Variants in ZBTB8B observed in about 807,000 individuals in gnomAD.
ZBTB8B encodes zinc finger and BTB domain containing 8B, also known as zinc finger and BTB domain-containing protein 8B.
Under a neutral mutation model 30.3 loss-of-function variants are expected in ZBTB8B, and 17 were observed. The ratio of observed to expected loss-of-function variants is 0.56; its 90% CI spans 0.38 to 0.84. The LOEUF is 0.84. ZBTB8B is among the 40% of genes least tolerant of loss of function. The pLI, the probability that ZBTB8B is intolerant of heterozygous loss-of-function variation, is 0.00. For synonymous variants in ZBTB8B, 248 were observed against 255.6 expected, an observed-to-expected ratio of 0.97 and a Z score of 0.28; for missense variants, 515 against 644.9, an observed-to-expected ratio of 0.80 and a Z score of 2.18.
intron 1 of ZBTB8B, 68 bp from the exon 2 acceptor site, chr1:32,470,516 A>T: frequency 1.8e-6 from 2 of 1,122,018 alleles, no homozygotes; most frequent in Non-Finnish European, 2.4e-6. Flanking sequence ...AAAAAAAAAA[A>T]AAAAAAAAAA....
In ZBTB8B at chr1:32,489,894, G is replaced by A. The variant is rs1643768314; in HGVS notation, c.*4476G>A. ...ATGCCGTTCTGATGTAAATATTTTG[G>A]TGGCCACCAGACTTTGAATATTCCT... On this transcript the variant is annotated 3_prime_UTR_variant, in exon 4 of 4. Coordinates refer to ENST00000609129, the MANE Select transcript of ZBTB8B (RefSeq NM_001145720.2). 1 of 152,284 alleles carries A rather than the reference G, an allele frequency of 6.6e-6. No homozygotes were observed. Among genetic ancestry groups the A allele is most frequent in the Admixed American group, 6.5e-5 (1 of 15,288 alleles). 9.4% of individuals were successfully genotyped at this position (152,284 alleles called of 1,614,324 possible).
rs917865954 is a variant in ZBTB8B at position 32,494,183 on chromosome 1, C to CAAAAAAAAAAAA, written c.*8778_*8789dup. On this transcript the variant is annotated 3_prime_UTR_variant, in exon 4 of 4. Transcript: ENST00000609129. ...GGGCAACGAGAGCAAAACTCCATCTCAAAAAAAAAAAAAAAAAAAAAAAAG... is the reference window on the plus strand; with the variant it reads ...GGGCAACGAGAGCAAAACTCCATCTCAAAAAAAAAAAAAAAAAAAAAAAAAAAAAAAAAAAAG... 4.2e-5 allele frequency: 2 copies of CAAAAAAAAAAAA among 48,006 alleles called. No individual in the cohort carries two copies. The highest frequency in any genetic ancestry group is 2.4e-4 in the Admixed American group (1 of 4,244). The allele number at this position is 48,006 out of a possible 1,614,324, so 3.0% of individuals were successfully genotyped here.
In ZBTB8B at chr1:32,471,056, G is replaced by A. The variant is rs1420132687; in HGVS notation, c.432G>A (p.Ala144=). 1.3e-6 allele frequency: 2 copies of A among 1,544,536 alleles called. No individual in the cohort carries two copies. The change falls in exon 2 of 4, where the codon GCG becomes GCA. Residue 144 remains alanine, a synonymous_variant. Transcript: ENST00000609129. ...VAAAVAAAAA[A]AAAAAAAAAH... is the part of the protein sequence containing the mutation. ...CAGCAGTGGCGGCGGCAGCGGCGGCGGCTGCAGCGGCGGCAGCAGCGGCGG... is the reference window on the plus strand; with the variant it reads ...CAGCAGTGGCGGCGGCAGCGGCGGCAGCTGCAGCGGCGGCAGCAGCGGCGG...
At chr1:32,482,446 G>C (rs983268506) in intron 3 of ZBTB8B, among the ~76,000 whole-genome samples, 1 of 151,754 alleles carries the variant, frequency 6.6e-6, no homozygotes, top group East Asian at 1.9e-4. Flanking sequence ...GCTGAGGTGG[G>C]CAGATCACAA....
At chr1:32,476,788 CAAA>C (rs77792479) in intron 2 of ZBTB8B, among the ~76,000 whole-genome samples, 2 of 84,774 alleles carry the variant, frequency 2.4e-5, no homozygotes, top group African/African-American at 4.4e-5. Flanking sequence ...GACTCTGTCT[CAAA>C]AAAAAAAAAA....
rs1462967961 is a variant in ZBTB8B, at chr1:32,486,449, A to G, written c.*1031A>G. ...GCCGCTCCTCGTGGAGCAGGGCTAC[A>G]CCATAGGCAGTGTGCCCAGAGTAGT... is the stretch of plus-strand genomic sequence containing the variant. On this transcript the variant is annotated 3_prime_UTR_variant, in exon 4 of 4. Coordinates refer to ENST00000609129, the MANE Select transcript of ZBTB8B (RefSeq NM_001145720.2). The G allele has an allele frequency of 6.6e-6, 1 of 152,256 alleles. No homozygotes were observed. Among genetic ancestry groups the G allele is most frequent in the Non-Finnish European group, 1.5e-5 (1 of 68,068 alleles). 9.4% of individuals were successfully genotyped at this position (152,256 alleles called of 1,614,324 possible).
chr1:32,471,636 T>A (rs1167661452), intron 2 of ZBTB8B, 21 bp downstream of exon 2: 1 of 1,537,824 alleles, frequency 6.5e-7, no homozygotes. Flanking sequence ...TTAGCATTCA[T>A]CAGCCCTGCC....
chr1:32,472,394 C>G (rs1643631117), intron 2 of ZBTB8B, among the ~76,000 whole-genome samples: 1 of 152,126 alleles, frequency 6.6e-6, no homozygotes. Flanking sequence ...GTTGTGGGGA[C>G]CAAATGAGAG....
chr1:32,476,544 ACT>A (rs1264043220), intron 2 of ZBTB8B, among the ~76,000 whole-genome samples: 1 of 150,546 alleles, frequency 6.6e-6, no homozygotes, highest in African/African-American at 2.5e-5. Flanking sequence ...TTTAATATTG[ACT>A]CTCTTAAGTC....
Position 32,487,645 on chromosome 1 carries a change from C to G in ZBTB8B, c.*2227C>G, listed in dbSNP as rs553928390. 2 of 151,908 alleles carry G rather than the reference C, an allele frequency of 1.3e-5. No individual in the cohort carries two copies. The highest frequency in any genetic ancestry group is 2.9e-5 in the Non-Finnish European group (2 of 68,038). The allele number at this position is 151,908 out of a possible 1,614,324, so 9.4% of individuals were successfully genotyped here. On this transcript the variant is annotated 3_prime_UTR_variant, in exon 4 of 4. Transcript: ENST00000609129. ...ACACTTGAGGTCAGGAGTTCGATAC[C>G]AGCCTGACCAACATGGCGAAACCCC...
chr1:32,470,517 A>AAT (rs1557680628), intron 1 of ZBTB8B, 67 bp from the exon 2 acceptor site: 1 of 1,132,886 alleles, frequency 8.8e-7, no homozygotes, highest in African/African-American at 1.6e-5. Context: ...AAAAAAAAAA[A>AAT]AAAAAAAAAG....
In ZBTB8B at chr1:32,471,148, T is replaced by A; in HGVS notation, c.524T>A (p.Leu175Ter). The A allele has an allele frequency of 6.4e-7, 1 of 1,551,764 alleles. No homozygotes were observed. The highest frequency in any genetic ancestry group is 8.7e-7 in the Non-Finnish European group (1 of 1,147,010). ...GGGACCTCCTGTGGTACCAAGAGCT[T>A]GGTCTCCTCTCCAGCCGAGGGAGAA... ...REGTSCGTKS[L>*]VSSPAEGEKS... is the part of the protein sequence containing the mutation. Residue 175 changes from leucine to a stop codon, truncating the protein, a stop_gained, in exon 2 of 4, where the codon TTG (leucine) becomes TAG (stop). Transcript: ENST00000609129. LOFTEE classifies it high-confidence loss of function.
chr1:32,482,885 T>C (rs577391537), intron 3 of ZBTB8B, among the ~76,000 whole-genome samples: 1 of 152,024 alleles, frequency 6.6e-6, no homozygotes, highest in South Asian at 2.1e-4. Flanking sequence ...CATGAAAAGA[T>C]GCTCAACATC....
rs1383973312 is a variant in ZBTB8B at position 32,485,341 on chromosome 1, A to G, written c.1411A>G (p.Asn471Asp). The change falls in exon 4 of 4, where the codon AAT becomes GAT. Residue 471 changes from asparagine (N) to aspartate (D), a missense_variant. Transcript: ENST00000609129. ...WPIYVESGEE[N>D]DPAGDDSDDK... ...AATCTATGTGGAGTCGGGTGAGGAA[A>G]ATGACCCTGCTGGAGATGATTCTGA... 6.4e-7 allele frequency: 1 copy of G among 1,552,258 alleles called. No homozygotes were observed. The highest frequency in any genetic ancestry group is 2.0e-5 in the Admixed American group (1 of 50,984).
intron 2 of ZBTB8B, among the ~76,000 whole-genome samples, chr1:32,480,223 G>A (rs1257389418): frequency 6.6e-6 from 1 of 151,426 alleles, no homozygotes; most frequent in South Asian, 2.1e-4. Context: ...TTTGCAGATG[G>A]CAGCCTTCCC....
Position 32,494,736 on chromosome 1 carries a change from T to C in ZBTB8B, c.*9318T>C, listed in dbSNP as rs185554698. ...ATGTATTCATTTTACTTATAAAAAATTTCAAAAGTAAAAATATATATATTA... is the reference window on the plus strand; with the variant it reads ...ATGTATTCATTTTACTTATAAAAAACTTCAAAAGTAAAAATATATATATTA... On this transcript the variant is annotated 3_prime_UTR_variant, in exon 4 of 4. Coordinates refer to ENST00000609129, the MANE Select transcript of ZBTB8B (RefSeq NM_001145720.2). The C allele has an allele frequency of 6.3e-4, 96 of 152,240 alleles. No individual in the cohort carries two copies. The highest frequency in any genetic ancestry group is 2.2e-3 in the African/African-American group (90 of 41,548). 9.4% of individuals were successfully genotyped at this position (152,240 alleles called of 1,614,324 possible).
At chr1:32,466,576 A>G (rs572078789) in intron 1 of ZBTB8B, among the ~76,000 whole-genome samples, 2 of 152,198 alleles carry the variant, frequency 1.3e-5, no homozygotes, top group Non-Finnish European at 2.9e-5. Flanking sequence ...AAATATTTAC[A>G]CAATATATAC....
rs917827602 is a variant in ZBTB8B at position 32,491,191 on chromosome 1, A to G, written c.*5773A>G. On this transcript the variant is annotated 3_prime_UTR_variant, in exon 4 of 4. Coordinates refer to ENST00000609129, the MANE Select transcript of ZBTB8B (RefSeq NM_001145720.2). ...GATTTTGAAGGAAGGCATCAATTTC[A>G]TATACAGGTCTTGGTGACATGTAAT... The G allele has an allele frequency of 6.6e-6, 1 of 152,232 alleles. No homozygotes were observed. 9.4% of individuals were successfully genotyped at this position (152,232 alleles called of 1,614,324 possible).
intron 2 of ZBTB8B, 93 bp from the exon 3 acceptor site, chr1:32,480,798 G>A (rs2148184940): frequency 7.9e-7 from 1 of 1,266,358 alleles, no homozygotes; most frequent in South Asian, 1.7e-5. Context: ...CTGGGCTGGT[G>A]GAATTCCCCA....
Sources: allele counts gnomAD v4.1 joint callset (sites outside exome capture counted in the v4.1 genomes callset), GRCh38; gene constraint gnomAD v4.1.1; transcripts MANE v1.5; gene names NCBI Gene and HGNC (gene_info 2026-07-23, HGNC 2026-07-21).